HIPK1: variants seen among roughly 807,000 people sequenced by gnomAD.
HIPK1 encodes homeodomain interacting protein kinase 1.
HIPK1 carries 28 observed loss-of-function variants against 117.1 expected under a neutral mutation model. That is an observed-to-expected ratio of 0.24 (90% CI 0.18 to 0.33). The LOEUF is 0.33. HIPK1 is among the 10% of genes least tolerant of loss of function. The pLI is 1.00. For synonymous variants in HIPK1, 605 were observed against 562.5 expected, an observed-to-expected ratio of 1.08 and a Z score of -1.07; for missense variants, 1,122 against 1,475.1, an observed-to-expected ratio of 0.76 and a Z score of 3.92.
chr1:113,954,289 C>T (rs970557856), intron 3 of HIPK1, among the ~76,000 whole-genome samples: 14 of 152,154 alleles, frequency 9.2e-5, no homozygotes, highest in African/African-American at 1.4e-4. Context: ...TTTACTTGTC[C>T]GTAAATACAC....
Position 113,941,684 on chromosome 1 carries a change from G to T in HIPK1, c.1076+225G>T, listed in dbSNP as rs1191974751. ...TTAACTCAGTCTGATTCTGAAAGTT[G>T]TTACTAGTTGAATTATACTAGCACC... On this transcript the variant is annotated intron_variant, in intron 2 of 15. Coordinates refer to ENST00000426820, the MANE Select transcript of HIPK1 (RefSeq NM_198268.3). The surrounding 1 kb of genome is among the most constrained non-coding windows in gnomAD (Gnocchi z 4.9). 1.3e-5 allele frequency among the ~76,000 whole-genome samples: 2 copies of T among 152,096 alleles called. No homozygotes were observed. The highest frequency in any genetic ancestry group is 2.9e-5 in the Non-Finnish European group (2 of 68,008).
intron 14 of HIPK1, among the ~76,000 whole-genome samples, chr1:113,970,969 A>G (rs1672787119): frequency 6.6e-6 from 1 of 152,202 alleles, no homozygotes; most frequent in South Asian, 2.1e-4. Flanking sequence ...AGCCCAGGCA[A>G]TGTAGTCTTG....
Position 113,957,225 on chromosome 1 carries a change from C to G in HIPK1, c.1694C>G (p.Pro565Arg). Reference sequence around the variant, plus strand: ...AGTCCCTTCACTACACATGTTGCCCCAAATACAAGCACAAATCTAACCATG... The same window carrying G: ...AGTCCCTTCACTACACATGTTGCCCGAAATACAAGCACAAATCTAACCATG... ...IKSPFTTHVAPNTSTNLTMSF... is the reference protein window; with the variant it reads ...IKSPFTTHVARNTSTNLTMSF... Residue 565 changes from proline (P) to arginine (R), a missense_variant, in exon 7 of 16, where the codon CCA (proline) becomes CGA (arginine). Physicochemically the swap from Pro to Arg is moderately radical, Grantham distance 103. This residue lies in a region of HIPK1 where 731 missense variants were observed against 860.4 expected (regional missense o/e 0.85). Coordinates refer to ENST00000426820, the MANE Select transcript of HIPK1 (RefSeq NM_198268.3). 6.2e-7 allele frequency: 1 copy of G among 1,613,780 alleles called. No homozygotes were observed. Among genetic ancestry groups the G allele is most frequent in the Non-Finnish European group, 8.5e-7 (1 of 1,179,742 alleles).
At chr1:113,939,797 G>A (rs1483727854) in intron 1 of HIPK1, among the ~76,000 whole-genome samples, 1 of 152,112 alleles carries the variant, frequency 6.6e-6, no homozygotes, top group African/African-American at 2.4e-5. Context: ...TGAAAAAATA[G>A]CTTTCAGTTT....
intron 1 of HIPK1, among the ~76,000 whole-genome samples, chr1:113,934,989 CAAA>C (rs752015521): frequency 1.9e-4 from 13 of 67,756 alleles, no homozygotes; most frequent in Admixed American, 3.4e-4. Context: ...GAACCTGTCT[CAAA>C]AAAAAAAAAA....
chr1:113,951,373 T>C, intron 2 of HIPK1: 5 of 690,630 alleles, frequency 7.2e-6, no homozygotes, highest in South Asian at 6.6e-5. Context: ...ATTCAAATCC[T>C]AGCTCTGCCA....
At position 113,974,436 on chromosome 1, in the gene HIPK1, A is replaced by T. The variant is rs1286660965; in HGVS notation, c.*924A>T. The T allele has an allele frequency of 6.5e-6, 1 of 152,738 alleles. No individual in the cohort carries two copies. The highest frequency in any genetic ancestry group is 2.4e-5 in the African/African-American group (1 of 41,444). The allele number at this position is 152,738 out of a possible 1,614,324, so 9.5% of individuals were successfully genotyped here. A position where few individuals can be genotyped will look rare whatever the true frequency, so the allele number is the denominator to read the frequency against. ...ATTATATGCAAAATCTCTGTCTATT[A>T]TGAGATACTGGCATTGATGAGCTTT... On this transcript the variant is annotated 3_prime_UTR_variant, in exon 16 of 16. Coordinates refer to ENST00000426820, the MANE Select transcript of HIPK1 (RefSeq NM_198268.3).
At chr1:113,968,032 A>G (rs982576648) in intron 12 of HIPK1, 84 bp downstream of exon 12, 32 of 1,220,794 alleles carry the variant, frequency 2.6e-5, no homozygotes, top group African/African-American at 1.2e-4. Context: ...GTATAGACAT[A>G]TAATATAGAT....
At chr1:113,947,693 G>A (rs1020897670) in intron 2 of HIPK1, among the ~76,000 whole-genome samples, 1 of 152,198 alleles carries the variant, frequency 6.6e-6, no homozygotes, top group Non-Finnish European at 1.5e-5. Flanking sequence ...GTTTGAAGTT[G>A]GGGAATCAAA....
chr1:113,952,947 C>G, intron 3 of HIPK1, 58 bp downstream of exon 3: 1 of 1,393,504 alleles, frequency 7.2e-7, no homozygotes, highest in Non-Finnish European at 9.4e-7. Flanking sequence ...GAATTAGATT[C>G]TGGAGAAAGA....
intron 1 of HIPK1, among the ~76,000 whole-genome samples, chr1:113,938,483 G>C (rs1178826434): frequency 2.0e-5 from 3 of 152,124 alleles, no homozygotes; most frequent in East Asian, 1.9e-4. Context: ...TAAGAAGAGA[G>C]AGCAGTTATC....
chr1:113,955,837 A>T (rs1671680588), intron 5 of HIPK1, among the ~76,000 whole-genome samples, 188 bp downstream of exon 5: 1 of 152,180 alleles, frequency 6.6e-6, no homozygotes, highest in Admixed American at 6.5e-5. Context: ...TTTTAGAATT[A>T]CATATTTCTC....
At chr1:113,933,066 T>C (rs1187784408) in intron 1 of HIPK1, 12 of 327,742 alleles carry the variant, frequency 3.7e-5, no homozygotes, top group East Asian at 1.7e-4. Flanking sequence ...TAGACTGTTA[T>C]GTGCAGGTAC....
chr1:113,949,600 C>CTTTTTTT (rs11465018), intron 2 of HIPK1, among the ~76,000 whole-genome samples: 2 of 133,378 alleles, frequency 1.5e-5, no homozygotes, highest in African/African-American at 5.7e-5. Context: ...CTTTTCTTTT[C>CTTTTTTT]TTTTTTTTTT....
At chr1:113,953,686 T>A (rs1405265838) in intron 3 of HIPK1, among the ~76,000 whole-genome samples, 1 of 151,982 alleles carries the variant, frequency 6.6e-6, no homozygotes, top group Non-Finnish European at 1.5e-5. Flanking sequence ...ACCAACTAAT[T>A]TTTGTATTTT....
chr1:113,945,711 A>G (rs569521763), intron 2 of HIPK1, among the ~76,000 whole-genome samples: 114 of 152,250 alleles, frequency 7.5e-4, no homozygotes, highest in African/African-American at 2.6e-3. Flanking sequence ...ATTAATCTAT[A>G]TATGTCTTTA....
In HIPK1 at chr1:113,968,597, CTA is replaced by C; in HGVS notation, c.2722_2723del (p.Ile908ProfsTer3). 1 of 1,614,140 alleles carries C rather than the reference CTA, an allele frequency of 6.2e-7. No individual in the cohort carries two copies. Among genetic ancestry groups the C allele is most frequent in the Non-Finnish European group, 8.5e-7 (1 of 1,179,960 alleles). ...CCCAGCCCTCCTGTGAGTGTCATCA[CTA>C]TCCGAAGTGACACTGATGAGGAAGA... On this transcript the variant is annotated frameshift_variant, in exon 13 of 16. Coordinates refer to ENST00000426820, the MANE Select transcript of HIPK1 (RefSeq NM_198268.3). LOFTEE classifies it high-confidence loss of function.
In HIPK1 at chr1:113,958,299, G is replaced by T. The variant is rs756783140; in HGVS notation, c.1981+8G>T. 2 of 1,589,222 alleles carry T rather than the reference G, an allele frequency of 1.3e-6. No individual in the cohort carries two copies. Among genetic ancestry groups the T allele is most frequent in the Non-Finnish European group, 1.7e-6 (2 of 1,158,942 alleles). ...GTCCACCTGCGTTTCAAAGTAAGTG[G>T]GGAAACTCCTGTATCATATGGTATT... On this transcript the variant is annotated splice_region_variant and intron_variant, in intron 8 of 15. Coordinates refer to ENST00000426820, the MANE Select transcript of HIPK1 (RefSeq NM_198268.3).
At chr1:113,929,929 A>T in intron 1 of HIPK1, 1 of 985,660 alleles carries the variant, frequency 1.0e-6, no homozygotes. Flanking sequence ...TGAGAACCAG[A>T]CACACCGGCG....
Sources: allele counts gnomAD v4.1 joint callset (sites outside exome capture counted in the v4.1 genomes callset), GRCh38; gene constraint gnomAD v4.1.1; regional missense constraint gnomAD v4.1.1; non-coding constraint Gnocchi (gnomAD v3.1); transcripts MANE v1.5; gene names NCBI Gene and HGNC (gene_info 2026-07-23, HGNC 2026-07-21).